The following NRG1 variants were observed in gnomAD, a reference collection of about 807,000 sequenced individuals.
The protein encoded by NRG1 is neuregulin 1.
NRG1 carries 18 observed loss-of-function variants against 63.8 expected under a neutral mutation model. The ratio of observed to expected loss-of-function variants is 0.28; its 90% CI spans 0.19 to 0.42. The LOEUF is 0.42. NRG1 is among the 10% of genes least tolerant of loss of function. The pLI is 1.00. For synonymous variants in NRG1, 302 were observed against 301.3 expected (o/e 1.00, Z -0.02); for missense variants, 762 against 814.7 (o/e 0.94, Z 0.79).
chr8:31,918,610 T>C (rs996287757), intron 1 of NRG1, among the ~76,000 whole-genome samples: 1 of 152,194 alleles, frequency 6.6e-6, no homozygotes, highest in African/African-American at 2.4e-5. Context: ...TTGCCAGTAT[T>C]TTATTGAGGA....
Position 32,648,148 on chromosome 8 carries a change from T to C in NRG1, c.502+31263T>C. On this transcript the variant is annotated intron_variant, in intron 5 of 11. Coordinates refer to ENST00000356819, the Ensembl canonical transcript of NRG1. Reference sequence around the variant, plus strand: ...TCGTCTGAGGCATACACTTCACCTGTCTCTAGGGCTCAATCTGAAAGTGAG... The same window carrying C: ...TCGTCTGAGGCATACACTTCACCTGCCTCTAGGGCTCAATCTGAAAGTGAG... 3.1e-6 allele frequency: 5 copies of C among 1,614,098 alleles called. No homozygotes were observed. In the South Asian group the frequency reaches 4.4e-5, roughly 14 times the overall value.
chr8:32,447,926 C>T (rs1820476367), intron 1 of NRG1, among the ~76,000 whole-genome samples: 1 of 151,744 alleles, frequency 6.6e-6, no homozygotes, highest in Admixed American at 6.6e-5. Flanking sequence ...GACTTTCTTA[C>T]TATAACTCCT....
At chr8:32,665,567 T>TGTA (rs770988696) in intron 5 of NRG1, among the ~76,000 whole-genome samples, 3 of 152,314 alleles carry the variant, frequency 2.0e-5, no homozygotes, top group Non-Finnish European at 4.4e-5. Context: ...ATTTTGGTGA[T>TGTA]GTATGCACTA....
chr8:32,345,497 C>A (rs1193605778), intron 1 of NRG1, among the ~76,000 whole-genome samples: 1 of 152,144 alleles, frequency 6.6e-6, no homozygotes, highest in African/African-American at 2.4e-5. Flanking sequence ...GTTTGAGTGC[C>A]TCAACTGTTC....
chr8:32,541,649 A>C (rs777416935), intron 1 of NRG1, among the ~76,000 whole-genome samples: 2 of 152,188 alleles, frequency 1.3e-5, no homozygotes, highest in African/African-American at 2.4e-5. Context: ...ATAACAAAGA[A>C]AGTGCCTTTT....
intron 7 of NRG1, among the ~76,000 whole-genome samples, chr8:32,745,346 T>G (rs955609666): frequency 2.6e-5 from 4 of 152,150 alleles, no homozygotes; most frequent in Non-Finnish European, 5.9e-5. Flanking sequence ...CTTACCAAAC[T>G]GCATTTTCAG....
chr8:32,739,729 G>A (rs1246836296), intron 6 of NRG1, among the ~76,000 whole-genome samples: 6 of 152,068 alleles, frequency 3.9e-5, no homozygotes, highest in South Asian at 2.1e-4. Flanking sequence ...TAAGGAACTC[G>A]TGATTCCTTA....
intron 1 of NRG1, among the ~76,000 whole-genome samples, chr8:31,739,281 C>T (rs1160072284): frequency 1.3e-5 from 2 of 152,020 alleles, no homozygotes; most frequent in African/African-American, 2.4e-5. Context: ...ATGCTTGGTA[C>T]ATTCATGGAA....
At chr8:32,259,155 G>T (rs1457912971) in intron 1 of NRG1, among the ~76,000 whole-genome samples, 1 of 152,162 alleles carries the variant, frequency 6.6e-6, no homozygotes, top group Non-Finnish European at 1.5e-5. Context: ...AATGCCAAAT[G>T]AGAAAAACCA....
At chr8:32,084,563 A>T (rs925137024) in intron 1 of NRG1, among the ~76,000 whole-genome samples, 21 of 152,158 alleles carry the variant, frequency 1.4e-4, no homozygotes, top group Admixed American at 3.3e-4. Flanking sequence ...TTGAGTTTTT[A>T]AAAAAAATTC....
chr8:31,976,520 T>C (rs1808203061), intron 1 of NRG1, among the ~76,000 whole-genome samples: 1 of 152,136 alleles, frequency 6.6e-6, no homozygotes, highest in Non-Finnish European at 1.5e-5. Context: ...AATATGACTT[T>C]TGAGAAGATA....
At chr8:31,745,497 C>T (rs186317506) in intron 1 of NRG1, among the ~76,000 whole-genome samples, 1 of 152,060 alleles carries the variant, frequency 6.6e-6, no homozygotes, top group East Asian at 1.9e-4. Context: ...TTAGAAGAGA[C>T]ATCTCTATAT....
At chr8:32,659,603 A>T (rs577144516) in intron 5 of NRG1, among the ~76,000 whole-genome samples, 35 of 152,114 alleles carry the variant, frequency 2.3e-4, no homozygotes, top group African/African-American at 8.2e-4. Context: ...TTTTATTTTC[A>T]TTTCTTGAGG....
intron 5 of NRG1, among the ~76,000 whole-genome samples, chr8:32,661,736 A>G (rs1802906749): frequency 6.6e-6 from 1 of 152,034 alleles, no homozygotes; most frequent in Non-Finnish European, 1.5e-5. Flanking sequence ...TGCCTGCTCA[A>G]TAGAGAAGAG....
chr8:32,018,492 G>T (rs1466170754), intron 1 of NRG1, among the ~76,000 whole-genome samples: 1 of 151,988 alleles, frequency 6.6e-6, no homozygotes, highest in Non-Finnish European at 1.5e-5. Flanking sequence ...TATTAATTTT[G>T]TCTGTTTATG....
chr8:32,591,941 A>G (rs1438107009), intron 1 of NRG1, among the ~76,000 whole-genome samples: 1 of 151,984 alleles, frequency 6.6e-6, no homozygotes, highest in African/African-American at 2.4e-5. Context: ...TGCACCTAAT[A>G]TAAAAGTTAA....
At chr8:32,614,337 A>G (rs1653651063) in intron 3 of NRG1, 177 bp from the exon 4 acceptor site, 1 of 501,870 alleles carries the variant, frequency 2.0e-6, no homozygotes. Context: ...GAGAACTATC[A>G]ATTTGGACTG....
chr8:31,835,093 A>G (rs189267076), intron 1 of NRG1, among the ~76,000 whole-genome samples: 35 of 152,322 alleles, frequency 2.3e-4, no homozygotes, highest in African/African-American at 8.2e-4. Flanking sequence ...TTAATAGAGC[A>G]TTTTTTACAA....
chr8:31,763,404 T>C (rs1817742600), intron 1 of NRG1, among the ~76,000 whole-genome samples: 1 of 152,206 alleles, frequency 6.6e-6, no homozygotes, highest in South Asian at 2.1e-4. Context: ...TAGATACCAT[T>C]TAACAGTTTT....
Sources: allele counts gnomAD v4.1 joint callset (sites outside exome capture counted in the v4.1 genomes callset), GRCh38; gene constraint gnomAD v4.1.1; transcripts MANE v1.5; gene names NCBI Gene and HGNC (gene_info 2026-07-23, HGNC 2026-07-21).